Variants in BCAT1 observed in about 807,000 individuals in gnomAD.
BCAT1 encodes the protein branched-chain-amino-acid aminotransferase, cytosolic.
A neutral mutation model predicts 52.4 loss-of-function variants in BCAT1; 48 were observed. The ratio of observed to expected loss-of-function variants is 0.92; its 90% CI spans 0.73 to 1.16. The LOEUF (loss-of-function observed/expected upper bound fraction) is 1.16, where lower values mean the gene tolerates loss of function less well. Ranked by LOEUF, BCAT1 falls within the 50% of genes most tolerant of loss-of-function variation. The pLI is 0.00. For synonymous variants in BCAT1, 167 were observed against 161.3 expected (o/e 1.04, Z -0.27); for missense variants, 451 against 457.1 (o/e 0.99, Z 0.12).
At chr12:24,912,412 C>T (rs1354414214) in intron 1 of BCAT1, among the ~76,000 whole-genome samples, 6 of 151,912 alleles carry the variant, frequency 3.9e-5, no homozygotes, top group Non-Finnish European at 7.4e-5. Flanking sequence ...CCCAGCTACT[C>T]GGGAGGCTGA....
At chr12:24,902,713 AGGGTGCTAGACCTG>A in intron 1 of BCAT1, 1 of 610,792 alleles carries the variant, frequency 1.6e-6, no homozygotes, top group Non-Finnish European at 2.6e-6. Flanking sequence ...GTTACCCATG[AGGGTGCTAGACCTG>A]GGCAGCGGGA....
At chr12:24,866,081 G>A (rs1475244890) in intron 5 of BCAT1, among the ~76,000 whole-genome samples, 1 of 152,232 alleles carries the variant, frequency 6.6e-6, no homozygotes, top group Non-Finnish European at 1.5e-5. Context: ...TGGAGGGAGA[G>A]GCATGGGCGG....
At chr12:24,899,870 A>G (rs1467855179) in intron 2 of BCAT1, among the ~76,000 whole-genome samples, 1 of 151,838 alleles carries the variant, frequency 6.6e-6, no homozygotes, top group Non-Finnish European at 1.5e-5. Flanking sequence ...GGAAGAGAGT[A>G]CTCATAGAAT....
At chr12:24,859,109 T>G (rs1330093081) in intron 5 of BCAT1, among the ~76,000 whole-genome samples, 1 of 152,214 alleles carries the variant, frequency 6.6e-6, no homozygotes, top group Non-Finnish European at 1.5e-5. Flanking sequence ...ATGGTAAAAT[T>G]GATTAAGATT....
At chr12:24,898,422 TG>T (rs111328320) in intron 2 of BCAT1, among the ~76,000 whole-genome samples, 3,325 of 151,716 alleles carry the variant, frequency 0.022, 46 homozygotes, top group East Asian at 0.062. Flanking sequence ...AGTTTGCAGT[TG>T]GGTAATCATT....
chr12:24,832,745 G>A lies in BCAT1; in HGVS notation c.1022C>T (p.Ser341Phe). 6.2e-7 allele frequency: 1 copy of A among 1,611,182 alleles called. No homozygotes were observed. The highest frequency in any genetic ancestry group is 1.1e-5 in the South Asian group (1 of 90,274). The stretch of plus-strand genomic sequence containing the variant: ...TACCTCGCCTTTGTACAGTATATCA[G>A]AAACTGGGCAAACAACACAGGCTGT... ...SGTACVVCPV[S>F]DILYKGETIH... Residue 341 changes from serine (S) to phenylalanine (F), a missense_variant, in exon 9 of 11, where the codon TCT becomes TTT. Transcript: ENST00000261192.
intron 5 of BCAT1, among the ~76,000 whole-genome samples, chr12:24,858,174 T>G (rs976925039): frequency 6.6e-5 from 10 of 152,214 alleles, no homozygotes; most frequent in African/African-American, 2.4e-4. Context: ...CAATTAAGAT[T>G]CTTAAAAGCT....
intron 5 of BCAT1, among the ~76,000 whole-genome samples, chr12:24,874,837 G>A (rs189148031): frequency 2.6e-5 from 4 of 152,270 alleles, no homozygotes; most frequent in East Asian, 1.9e-4. Context: ...AATAGAGACT[G>A]GACACAAGTG....
intron 5 of BCAT1, among the ~76,000 whole-genome samples, chr12:24,859,438 G>A (rs147064884): frequency 0.042 from 6,453 of 151,972 alleles, 443 homozygotes; most frequent in African/African-American, 0.15. Flanking sequence ...GGCTAACATG[G>A]TGAAACCCCG....
At position 24,887,080 on chromosome 12, in the gene BCAT1, A is replaced by AAAAAAAAAAAAAT. The variant is rs1245203518; in HGVS notation, c.280-5670_280-5669insATTTTTTTTTTTT. 3.6e-3 allele frequency among the ~76,000 whole-genome samples: 146 copies of AAAAAAAAAAAAAT among 40,696 alleles called. 2 individuals are homozygous for AAAAAAAAAAAAAT. Among genetic ancestry groups the AAAAAAAAAAAAAT allele is most frequent in the Non-Finnish European group, 6.3e-3 (120 of 19,024 alleles). 26.7% of individuals were successfully genotyped at this position (40,696 alleles called of 152,430 possible). A position where few individuals can be genotyped will look rare whatever the true frequency, so the allele number is the denominator to read the frequency against. On this transcript the variant is annotated intron_variant, in intron 3 of 10. Transcript: ENST00000261192. The stretch of plus-strand genomic sequence containing the variant: ...GCTAGCTAAAAAAAAAAAAAAAAAA[A>AAAAAAAAAAAAAT]ATATATATATATATATATATATATA...
chr12:24,888,513 G>C (rs1378586898), intron 3 of BCAT1, among the ~76,000 whole-genome samples: 1 of 152,096 alleles, frequency 6.6e-6, no homozygotes, highest in East Asian at 1.9e-4. Context: ...AAAAAAGAAA[G>C]AAAGAAAACA....
intron 7 of BCAT1, among the ~76,000 whole-genome samples, chr12:24,838,901 G>C (rs970459994): frequency 6.6e-6 from 1 of 152,188 alleles, no homozygotes; most frequent in Non-Finnish European, 1.5e-5. Context: ...ATAACAGCAG[G>C]ATTCATCTGT....
intron 5 of BCAT1, among the ~76,000 whole-genome samples, chr12:24,855,293 C>A (rs745614093): frequency 6.7e-6 from 1 of 149,696 alleles, no homozygotes; most frequent in Non-Finnish European, 1.5e-5. Flanking sequence ...TAGCCCTGCT[C>A]CGCAGGAGCA....
At chr12:24,858,760 G>A (rs567579828) in intron 5 of BCAT1, among the ~76,000 whole-genome samples, 7 of 152,200 alleles carry the variant, frequency 4.6e-5, no homozygotes, top group South Asian at 2.1e-4. Flanking sequence ...CCTGCAAGGC[G>A]TGTAAGGAAA....
At chr12:24,898,478 T>TG (rs1943010668) in intron 2 of BCAT1, among the ~76,000 whole-genome samples, 1 of 146,158 alleles carries the variant, frequency 6.8e-6, no homozygotes, top group African/African-American at 2.5e-5. Flanking sequence ...GTAAATTTGT[T>TG]GAAAGCACCT....
At chr12:24,819,303 C>T (rs1444399091) in intron 10 of BCAT1, among the ~76,000 whole-genome samples, 3 of 152,098 alleles carry the variant, frequency 2.0e-5, no homozygotes, top group East Asian at 1.9e-4. Context: ...TATTTTCACA[C>T]GAAATGGCTC....
chr12:24,845,167 T>C lies in BCAT1; in HGVS notation c.675-2943A>G, dbSNP rs985922119. On this transcript the variant is annotated intron_variant, in intron 6 of 10. Coordinates refer to ENST00000261192, the MANE Select transcript of BCAT1 (RefSeq NM_005504.7). ...AGGCGGAGGTTGCAGTGAGCTGAGA[T>C]GGTGCCACTGCACTCCAGCCTAGGA... Among the ~76,000 whole-genome samples the C allele has an allele frequency of 4.0e-5, 6 of 150,568 alleles. No homozygotes were observed. In the East Asian group the frequency reaches 9.7e-4, roughly 24 times the overall value.
At chr12:24,894,505 G>T (rs1474031331) in intron 2 of BCAT1, 30 bp from the exon 3 acceptor site, 10 of 1,534,606 alleles carry the variant, frequency 6.5e-6, no homozygotes, top group African/African-American at 1.4e-5. Context: ...ACTATTTACA[G>T]AAAAGCTACT....
At chr12:24,902,038 C>T in intron 1 of BCAT1, 153 bp from the exon 2 acceptor site, 1 of 1,554,084 alleles carries the variant, frequency 6.4e-7, no homozygotes, top group Non-Finnish European at 8.6e-7. Context: ...CACCCAGGCC[C>T]GAACCTCCAA....
Sources: allele counts gnomAD v4.1 joint callset (sites outside exome capture counted in the v4.1 genomes callset), GRCh38; gene constraint gnomAD v4.1.1; transcripts MANE v1.5; gene names NCBI Gene and HGNC (gene_info 2026-07-23, HGNC 2026-07-21).